The following NKAIN2 variants were observed in gnomAD, a reference collection of about 807,000 sequenced individuals.
The protein encoded by NKAIN2 is sodium/potassium-transporting ATPase subunit beta-1-interacting protein 2.
A neutral mutation model predicts 32.6 loss-of-function variants in NKAIN2; 14 were observed. That is an observed-to-expected ratio of 0.43 (90% CI 0.28 to 0.67). NKAIN2 has a LOEUF of 0.67. Among genes scored for constraint, NKAIN2 ranks in the 30% least tolerant of loss-of-function variants. The pLI, the probability that NKAIN2 is intolerant of heterozygous loss-of-function variation, is 0.17. For missense variants in NKAIN2, 198 were observed against 258.3 expected, an observed-to-expected ratio of 0.77 and a Z score of 1.60; for synonymous variants, 80 against 87.2, an observed-to-expected ratio of 0.92 and a Z score of 0.46.
At chr6:124,596,897 G>T (rs1782114908) in intron 3 of NKAIN2, among the ~76,000 whole-genome samples, 1 of 152,100 alleles carries the variant, frequency 6.6e-6, no homozygotes, top group South Asian at 2.1e-4. Flanking sequence ...AAAGGCCTGA[G>T]AAGCAGGAGA....
At chr6:124,506,569 G>T (rs1422588051) in intron 3 of NKAIN2, among the ~76,000 whole-genome samples, 2 of 152,086 alleles carry the variant, frequency 1.3e-5, no homozygotes, top group Non-Finnish European at 2.9e-5. Flanking sequence ...CAGTGATGGC[G>T]GCCAGGTTTA....
intron 1 of NKAIN2, among the ~76,000 whole-genome samples, chr6:124,198,595 T>C (rs1790437979): frequency 6.6e-6 from 1 of 151,992 alleles, no homozygotes; most frequent in Non-Finnish European, 1.5e-5. Flanking sequence ...TTTTTCCTTT[T>C]CTTTCCTTTC....
At chr6:124,688,198 C>A (rs538219736) in intron 4 of NKAIN2, among the ~76,000 whole-genome samples, 2 of 152,112 alleles carry the variant, frequency 1.3e-5, no homozygotes, top group South Asian at 4.1e-4. Flanking sequence ...AATCCGTTAC[C>A]ACATTCAGTG....
chr6:124,559,957 C>A (rs1583439515), intron 3 of NKAIN2, among the ~76,000 whole-genome samples: 1 of 140,008 alleles, frequency 7.1e-6, no homozygotes, highest in South Asian at 2.4e-4. Context: ...CTTATGTTAT[C>A]TCACATTCGC....
At chr6:123,830,557 C>CT (rs1562205719) in intron 1 of NKAIN2, among the ~76,000 whole-genome samples, 1 of 152,268 alleles carries the variant, frequency 6.6e-6, no homozygotes, top group East Asian at 1.9e-4. Flanking sequence ...CTTACATATC[C>CT]TTGATATCAA....
chr6:124,385,096 A>G (rs1772833561), intron 3 of NKAIN2, among the ~76,000 whole-genome samples: 1 of 152,188 alleles, frequency 6.6e-6, no homozygotes, highest in Admixed American at 6.6e-5. Flanking sequence ...AGCTGCAGAA[A>G]AATAGTATCA....
At chr6:124,027,144 T>G (rs1421485716) in intron 1 of NKAIN2, among the ~76,000 whole-genome samples, 2 of 151,872 alleles carry the variant, frequency 1.3e-5, no homozygotes, top group East Asian at 3.9e-4. Context: ...TCACTCTTTT[T>G]TTTTTTTTTT....
At chr6:123,960,547 A>G (rs1777797335) in intron 1 of NKAIN2, among the ~76,000 whole-genome samples, 2 of 151,938 alleles carry the variant, frequency 1.3e-5, no homozygotes, top group African/African-American at 4.8e-5. Context: ...TTCTTGAAGG[A>G]AAGTCTTCAC....
At position 123,878,343 on chromosome 6, in the gene NKAIN2, G is replaced by A. The variant is rs548629298; in HGVS notation, c.54+74089G>A. On this transcript the variant is annotated intron_variant, in intron 1 of 6. Coordinates refer to ENST00000368417, the MANE Select transcript of NKAIN2 (RefSeq NM_001040214.3). ...TATGTACACTTTTCCATTTCTTACT[G>A]AATTAGTCATTTCCTTCCTTTTATT... Among the ~76,000 whole-genome samples the A allele has an allele frequency of 5.3e-5, 8 of 151,958 alleles. 1 individual carries two copies. In the South Asian group the frequency reaches 1.7e-3, roughly 32 times the overall value.
intron 1 of NKAIN2, among the ~76,000 whole-genome samples, chr6:124,129,501 G>A (rs1056369233): frequency 6.6e-6 from 1 of 152,110 alleles, no homozygotes; most frequent in South Asian, 2.1e-4. Flanking sequence ...CACATGTATT[G>A]TTTTACACAT....
intron 1 of NKAIN2, among the ~76,000 whole-genome samples, chr6:124,026,955 G>T (rs1295260372): frequency 6.6e-6 from 1 of 152,038 alleles, no homozygotes; most frequent in Non-Finnish European, 1.5e-5. Context: ...CAGGTTGTAT[G>T]GAGCTTGTAG....
At chr6:123,940,916 A>C (rs1401084788) in intron 1 of NKAIN2, among the ~76,000 whole-genome samples, 1 of 152,014 alleles carries the variant, frequency 6.6e-6, no homozygotes, top group African/African-American at 2.4e-5. Flanking sequence ...AAAATTTTTC[A>C]TTTTTAAACT....
chr6:123,881,645 G>A (rs1383574311), intron 1 of NKAIN2, among the ~76,000 whole-genome samples: 8 of 152,066 alleles, frequency 5.3e-5, no homozygotes, highest in Non-Finnish European at 1.0e-4. Flanking sequence ...ATTTTAAAAT[G>A]TTTTCTATTT....
intron 1 of NKAIN2, among the ~76,000 whole-genome samples, chr6:124,146,661 A>AT (rs1787424119): frequency 6.6e-6 from 1 of 152,192 alleles, no homozygotes; most frequent in African/African-American, 2.4e-5. Flanking sequence ...CACACTGTAG[A>AT]ATATTATTAT....
intron 4 of NKAIN2, among the ~76,000 whole-genome samples, chr6:124,708,887 T>C (rs967432114): frequency 1.0e-4 from 15 of 143,974 alleles, no homozygotes; most frequent in African/African-American, 3.7e-4. Context: ...TGAATAGGAG[T>C]GGTGAGAGAG....
chr6:124,040,111 T>A (rs1334858536), intron 1 of NKAIN2, among the ~76,000 whole-genome samples: 4 of 152,006 alleles, frequency 2.6e-5, no homozygotes, highest in Non-Finnish European at 5.9e-5. Flanking sequence ...TATTAAAACA[T>A]GTCATTTATT....
intron 1 of NKAIN2, among the ~76,000 whole-genome samples, chr6:124,143,235 A>G (rs1179856754): frequency 6.6e-6 from 1 of 152,180 alleles, no homozygotes; most frequent in Non-Finnish European, 1.5e-5. Flanking sequence ...GGGGTGGAGG[A>G]CTGCTTGAAG....
chr6:123,934,743 A>C (rs79327912), intron 1 of NKAIN2, among the ~76,000 whole-genome samples: 2,580 of 152,194 alleles, frequency 0.017, 42 homozygotes, highest in East Asian at 0.085. Flanking sequence ...TACATTCAAA[A>C]TGTATTTTTG....
chr6:124,225,078 T>C (rs1252994062), intron 1 of NKAIN2, among the ~76,000 whole-genome samples: 1 of 152,066 alleles, frequency 6.6e-6, no homozygotes, highest in East Asian at 1.9e-4. Flanking sequence ...GAGATGTTTA[T>C]TGAGTTTCAA....
Sources: allele counts gnomAD v4.1 joint callset (sites outside exome capture counted in the v4.1 genomes callset), GRCh38; gene constraint gnomAD v4.1.1; transcripts MANE v1.5; gene names NCBI Gene and HGNC (gene_info 2026-07-23, HGNC 2026-07-21).